Variants in SLC9A9 observed in about 807,000 individuals in gnomAD.
SLC9A9 encodes the protein solute carrier family 9 member A9.
A neutral mutation model predicts 77.8 loss-of-function variants in SLC9A9; 62 were observed. That is an observed-to-expected ratio of 0.80 (90% confidence interval 0.65 to 0.98). The LOEUF is 0.98. SLC9A9 is among the 50% of genes least tolerant of loss of function. The probability of loss-of-function intolerance (pLI) is 0.00; values close to 1 mark genes in which losing one functional copy is unlikely to be tolerated. For missense variants in SLC9A9, 775 were observed against 774.9 expected, an observed-to-expected ratio of 1.00 and a Z score of 0.00; for synonymous variants, 320 against 283.5, an observed-to-expected ratio of 1.13 and a Z score of -1.29.
chr3:143,528,057 C>T (rs1312920435), intron 9 of SLC9A9, among the ~76,000 whole-genome samples: 2 of 152,196 alleles, frequency 1.3e-5, no homozygotes, highest in Non-Finnish European at 2.9e-5. Flanking sequence ...TGGAGAAAAT[C>T]ATTTCCATGT....
chr3:143,446,098 GTAAT>G (rs1319385441), intron 12 of SLC9A9, among the ~76,000 whole-genome samples: 3 of 152,054 alleles, frequency 2.0e-5, no homozygotes, highest in Non-Finnish European at 2.9e-5. Flanking sequence ...AAAAATAAAA[GTAAT>G]TAATCTGGGT....
At chr3:143,653,267 ACATTAGGG>A (rs2038830931) in intron 5 of SLC9A9, among the ~76,000 whole-genome samples, 1 of 152,206 alleles carries the variant, frequency 6.6e-6, no homozygotes, top group Non-Finnish European at 1.5e-5. Context: ...CTCTGTGAGT[ACATTAGGG>A]CAGTCAATAC....
intron 9 of SLC9A9, among the ~76,000 whole-genome samples, chr3:143,534,105 T>G (rs1054937256): frequency 3.3e-5 from 5 of 152,350 alleles, no homozygotes; most frequent in South Asian, 4.2e-4. Flanking sequence ...ATTAATCCAG[T>G]TATTAGATGA....
intron 6 of SLC9A9, among the ~76,000 whole-genome samples, chr3:143,584,621 T>C (rs2037511727): frequency 6.6e-6 from 1 of 152,152 alleles, no homozygotes; most frequent in African/African-American, 2.4e-5. Flanking sequence ...ACAAAAAAAT[T>C]ATTGGCACCA....
At chr3:143,740,190 T>C (rs1935042622) in intron 4 of SLC9A9, among the ~76,000 whole-genome samples, 1 of 152,132 alleles carries the variant, frequency 6.6e-6, no homozygotes, top group African/African-American at 2.4e-5. Context: ...AGCATAAAAC[T>C]GTATGAGACT....
At chr3:143,447,732 C>A (rs1215787175) in intron 12 of SLC9A9, among the ~76,000 whole-genome samples, 1 of 152,150 alleles carries the variant, frequency 6.6e-6, no homozygotes, top group African/African-American at 2.4e-5. Context: ...GAGAATAGAG[C>A]ATCGTTGTCT....
chr3:143,657,170 A>C (rs112801364), intron 5 of SLC9A9, among the ~76,000 whole-genome samples: 2 of 152,298 alleles, frequency 1.3e-5, no homozygotes, highest in African/African-American at 4.8e-5. Context: ...CCTAGAATAC[A>C]AGTGAAAAGA....
intron 9 of SLC9A9, among the ~76,000 whole-genome samples, chr3:143,545,698 A>T (rs1309464256): frequency 1.3e-5 from 2 of 152,232 alleles, no homozygotes; most frequent in African/African-American, 4.8e-5. Flanking sequence ...TTTTTCCAGG[A>T]AGAAGCATTC....
chr3:143,722,875 CAA>C (rs1934540313), intron 4 of SLC9A9, among the ~76,000 whole-genome samples: 1 of 152,184 alleles, frequency 6.6e-6, no homozygotes, highest in Non-Finnish European at 1.5e-5. Flanking sequence ...AAACAGAGCT[CAA>C]GACACCAATA....
chr3:143,759,668 G>T (rs1257541664), intron 4 of SLC9A9, among the ~76,000 whole-genome samples: 1 of 151,810 alleles, frequency 6.6e-6, no homozygotes, highest in Admixed American at 6.6e-5. Context: ...TTTTCAAGCT[G>T]CTCTGGGTTG....
intron 12 of SLC9A9, among the ~76,000 whole-genome samples, chr3:143,433,942 T>A (rs1473499432): frequency 6.6e-6 from 1 of 152,184 alleles, no homozygotes; most frequent in Non-Finnish European, 1.5e-5. Context: ...TGCCTTTCAC[T>A]GTCTACCTCT....
At chr3:143,287,611 A>G (rs1938418360) in intron 14 of SLC9A9, among the ~76,000 whole-genome samples, 1 of 152,220 alleles carries the variant, frequency 6.6e-6, no homozygotes, top group Non-Finnish European at 1.5e-5. Context: ...AGCTGACTAT[A>G]TAACTGTTCC....
chr3:143,737,573 T>G (rs2108814354), intron 4 of SLC9A9, among the ~76,000 whole-genome samples: 1 of 152,258 alleles, frequency 6.6e-6, no homozygotes, highest in South Asian at 2.1e-4. Context: ...GTCTCAAATA[T>G]GTCCAGAATA....
chr3:143,802,883 C>G (rs2008604566), intron 2 of SLC9A9, among the ~76,000 whole-genome samples: 3 of 152,248 alleles, frequency 2.0e-5, no homozygotes, highest in Admixed American at 1.3e-4. Flanking sequence ...TATACGGACG[C>G]ACTTTCTTAC....
intron 8 of SLC9A9, among the ~76,000 whole-genome samples, chr3:143,556,416 G>C (rs2036984593): frequency 1.3e-5 from 2 of 152,204 alleles, no homozygotes; most frequent in Non-Finnish European, 2.9e-5. Context: ...CTGCCAGTAT[G>C]AAGTGCCAGA....
Position 143,731,919 on chromosome 3 carries a change from A to T in SLC9A9, c.534-38612T>A, listed in dbSNP as rs144175662. 2.0e-3 allele frequency among the ~76,000 whole-genome samples: 301 copies of T among 152,042 alleles called. 2 individuals carry two copies. Among genetic ancestry groups the T allele is most frequent in the African/African-American group, 6.7e-3 (276 of 41,450 alleles). On this transcript the variant is annotated intron_variant, in intron 4 of 15. Transcript: ENST00000316549. ...CATCACTTGAAATTGTGCTCCAGTG[A>T]CTCTTTAAGCACTTTTCTTGCCTGC...
At chr3:143,421,535 G>C (rs1018564308) in intron 12 of SLC9A9, among the ~76,000 whole-genome samples, 2 of 152,130 alleles carry the variant, frequency 1.3e-5, no homozygotes, top group African/African-American at 4.8e-5. Context: ...TGGAATGACT[G>C]ACTAGCTACA....
chr3:143,587,539 T>C (rs1028449160), intron 6 of SLC9A9, among the ~76,000 whole-genome samples: 8 of 151,946 alleles, frequency 5.3e-5, no homozygotes, highest in African/African-American at 1.7e-4. Flanking sequence ...TGGAGGGAAA[T>C]GGTGGGGAGG....
At chr3:143,809,455 T>C (rs2008806980) in intron 2 of SLC9A9, among the ~76,000 whole-genome samples, 1 of 152,244 alleles carries the variant, frequency 6.6e-6, no homozygotes, top group South Asian at 2.1e-4. Context: ...ATCAGAGTTC[T>C]GGGAGTAACT....
Sources: allele counts gnomAD v4.1 joint callset (sites outside exome capture counted in the v4.1 genomes callset), GRCh38; gene constraint gnomAD v4.1.1; transcripts MANE v1.5; gene names NCBI Gene and HGNC (gene_info 2026-07-23, HGNC 2026-07-21).